GLT1D1: variants seen among roughly 807,000 people sequenced by gnomAD.
GLT1D1 encodes the protein glycosyltransferase 1 domain-containing protein 1.
In GLT1D1, 21 loss-of-function variants were observed where a neutral mutation model predicts 28.7. The observed-to-expected ratio is 0.73, with a 90% CI of 0.52 to 1.05. The LOEUF is 1.05. GLT1D1 is among the 50% of genes least tolerant of loss of function. GLT1D1 has a pLI of 0.00. For missense variants in GLT1D1, 343 were observed against 330.6 expected, an observed-to-expected ratio of 1.04 and a Z score of -0.29; for synonymous variants, 147 against 124.8, an observed-to-expected ratio of 1.18 and a Z score of -1.19.
chr12:128,966,934 C>T lies in GLT1D1; in HGVS notation c.639+9291C>T, dbSNP rs192950781. On this transcript the variant is annotated intron_variant, in intron 7 of 7. Transcript: ENST00000281703. ...TACTAAAGATTGATTTTTTCTTTAC[C>T]GCCACAATCCTGTTATTTCTCCTTT... 2.6e-3 allele frequency among the ~76,000 whole-genome samples: 399 copies of T among 152,124 alleles called. 5 individuals are homozygous for T. In the Middle Eastern group the frequency reaches 0.031, roughly 12 times the overall value.
chr12:128,875,975 C>T lies in GLT1D1; in HGVS notation c.130C>T (p.Arg44Ter), dbSNP rs188735757. 7.7e-5 allele frequency: 124 copies of T among 1,614,010 alleles called. No homozygotes were observed. The highest frequency in any genetic ancestry group is 8.3e-5 in the Admixed American group (5 of 60,016). Residue 44 changes from arginine (R) to a stop codon, truncating the protein, a stop_gained, in exon 2 of 8, where the codon CGA becomes TGA. Coordinates refer to ENST00000281703, the MANE Select transcript of GLT1D1 (RefSeq NM_144669.3). LOFTEE classifies it high-confidence loss of function. ...GAAGGATGCCTTTGACTTTGAAAGC[C>T]GATCTGAGATTGCAAACCTCATCTT... is the stretch of plus-strand genomic sequence containing the variant.
Position 128,953,073 on chromosome 12 carries a change from C to T in GLT1D1, c.541-4472C>T, listed in dbSNP as rs141547193. Among the ~76,000 whole-genome samples the T allele has an allele frequency of 2.8e-3, 428 of 152,138 alleles. 16 individuals are homozygous for T. The East Asian group carries it at 0.063, about 22-fold the overall frequency. ...CTGGGATTACAGGCGTGAGCCACCA[C>T]GCCTGGCCCATGTTGAGCATCTTTT... On this transcript the variant is annotated intron_variant, in intron 6 of 7. Transcript: ENST00000281703.
chr12:128,939,841 C>CCA (rs1555271965), intron 4 of GLT1D1, among the ~76,000 whole-genome samples: 2 of 143,954 alleles, frequency 1.4e-5, no homozygotes, highest in Non-Finnish European at 3.0e-5. Flanking sequence ...TTAGAAACCC[C>CCA]CCCCCACCGC....
chr12:128,895,339 T>C (rs1417675563), intron 3 of GLT1D1, among the ~76,000 whole-genome samples: 1 of 152,246 alleles, frequency 6.6e-6, no homozygotes, highest in Non-Finnish European at 1.5e-5. Flanking sequence ...TTCTCATTAT[T>C]TGACATTGGT....
intron 7 of GLT1D1, among the ~76,000 whole-genome samples, chr12:128,970,640 C>T (rs913150193): frequency 2.5e-4 from 38 of 152,236 alleles, no homozygotes; most frequent in African/African-American, 7.2e-4. Context: ...CTTCTCTGTC[C>T]GGCACCTGAG....
At position 128,859,470 on chromosome 12, in the gene GLT1D1, C is replaced by T. The variant is rs559750628; in HGVS notation, c.68+5821C>T. Among the ~76,000 whole-genome samples, 12 of 152,306 alleles carry T rather than the reference C, an allele frequency of 7.9e-5. No individual in the cohort carries two copies. The East Asian group carries it at 1.7e-3, about 22-fold the overall frequency. On this transcript the variant is annotated intron_variant, in intron 1 of 7. Transcript: ENST00000281703. Reference sequence around the variant, plus strand: ...TTGGGCAAGGTCTGGAGACATACTTCGCTGTCACCACTAGTGTTGGGGGCT... The same window carrying T: ...TTGGGCAAGGTCTGGAGACATACTTTGCTGTCACCACTAGTGTTGGGGGCT...
chr12:128,933,537 G>T (rs1247239077), intron 4 of GLT1D1, among the ~76,000 whole-genome samples: 2 of 152,194 alleles, frequency 1.3e-5, no homozygotes, highest in Non-Finnish European at 2.9e-5. Context: ...TTGCTACTTA[G>T]GGTGTAGTTT....
rs1188269566 is a variant in GLT1D1, at chr12:128,853,572, C to T, written c.-10C>T. 4 of 1,108,770 alleles carry T rather than the reference C, an allele frequency of 3.6e-6. No individual in the cohort carries two copies. The highest frequency in any genetic ancestry group is 7.2e-5 in the East Asian group (1 of 13,966). The allele number at this position is 1,108,770 out of a possible 1,614,324, so 68.7% of individuals were successfully genotyped here. A position where few individuals can be genotyped will look rare whatever the true frequency, so the allele number is the denominator to read the frequency against. On this transcript the variant is annotated 5_prime_UTR_variant, in exon 1 of 8. Transcript: ENST00000281703. ...CGGGGCCGGTCGATGGCCCGGGCGG[C>T]GGCGGCGGCATGCGGCTCCTGTTCC... is the stretch of plus-strand genomic sequence containing the variant.
At chr12:128,873,274 T>C (rs1350168480) in intron 1 of GLT1D1, among the ~76,000 whole-genome samples, 2 of 152,188 alleles carry the variant, frequency 1.3e-5, no homozygotes, top group Non-Finnish European at 2.9e-5. Context: ...CCACACAGTG[T>C]ATATACCCAA....
chr12:128,908,914 A>G (rs552908401), intron 4 of GLT1D1, among the ~76,000 whole-genome samples: 1 of 152,186 alleles, frequency 6.6e-6, no homozygotes, highest in South Asian at 2.1e-4. Flanking sequence ...GCGCCCCTGC[A>G]CTCCAGCCTG....
rs531078663 is a variant in GLT1D1 at position 128,859,548 on chromosome 12, C to T, written c.68+5899C>T. 4.6e-5 allele frequency among the ~76,000 whole-genome samples: 7 copies of T among 152,220 alleles called. No individual in the cohort carries two copies. The East Asian group carries it at 1.4e-3, about 30-fold the overall frequency. On this transcript the variant is annotated intron_variant, in intron 1 of 7. Transcript: ENST00000281703. Reference sequence around the variant, plus strand: ...CACCCTGTAGTGCACAGGGCAGCCCCTCCCCAAGAGTGACCCTGCTCCACA... The same window carrying T: ...CACCCTGTAGTGCACAGGGCAGCCCTTCCCCAAGAGTGACCCTGCTCCACA...
intron 3 of GLT1D1, among the ~76,000 whole-genome samples, chr12:128,897,540 G>A (rs1164206524): frequency 6.6e-6 from 1 of 151,904 alleles, no homozygotes; most frequent in East Asian, 1.9e-4. Context: ...TATCATTCCA[G>A]ACTTCTCTTG....
chr12:128,907,093 C>A, intron 4 of GLT1D1: 1 of 641,752 alleles, frequency 1.6e-6, no homozygotes, highest in Non-Finnish European at 2.8e-6. Flanking sequence ...TGCATGGCCC[C>A]ATTGCTTTAT....
intron 2 of GLT1D1, among the ~76,000 whole-genome samples, chr12:128,876,535 T>C (rs1956875401): frequency 6.6e-6 from 1 of 152,028 alleles, no homozygotes. Context: ...AGGCTGGTCT[T>C]GAATTCCTGG....
intron 3 of GLT1D1, among the ~76,000 whole-genome samples, chr12:128,896,582 T>C (rs1869658887): frequency 6.9e-6 from 1 of 145,442 alleles, no homozygotes. Context: ...ATACTTTTTT[T>C]TTTTTTTTTT....
At chr12:128,867,733 G>A (rs1330187280) in intron 1 of GLT1D1, among the ~76,000 whole-genome samples, 1 of 152,194 alleles carries the variant, frequency 6.6e-6, no homozygotes, top group Non-Finnish European at 1.5e-5. Flanking sequence ...GCTTACTACA[G>A]AAAGACTGGG....
intron 1 of GLT1D1, among the ~76,000 whole-genome samples, chr12:128,872,110 C>T (rs920907884): frequency 2.6e-5 from 4 of 152,108 alleles, no homozygotes; most frequent in Admixed American, 1.3e-4. Context: ...TGCCACCATG[C>T]CCAGCTAATT....
intron 4 of GLT1D1, among the ~76,000 whole-genome samples, chr12:128,938,156 T>A (rs899693126): frequency 6.6e-6 from 1 of 152,176 alleles, no homozygotes; most frequent in East Asian, 1.9e-4. Context: ...GTGATCCTGG[T>A]TAAGTTATAG....
intron 2 of GLT1D1, among the ~76,000 whole-genome samples, chr12:128,882,442 A>T (rs1196340648): frequency 6.6e-6 from 1 of 151,830 alleles, no homozygotes; most frequent in African/African-American, 2.4e-5. Context: ...ATGCCCTGCT[A>T]ATTTTTGTAT....
Sources: gnomAD v4.1 joint callset for allele counts (sites outside exome capture counted in the v4.1 genomes callset) on GRCh38, gnomAD v4.1.1 for gene constraint, MANE v1.5 for transcripts, NCBI Gene and HGNC (gene_info 2026-07-23, HGNC 2026-07-21) for gene names.